The following OPN5 variants were observed in gnomAD, a reference collection of about 807,000 sequenced individuals.
OPN5 encodes opsin-5.
OPN5 carries 18 observed loss-of-function variants against 41.7 expected under a neutral mutation model. The observed-to-expected ratio is 0.43, with a 90% CI of 0.30 to 0.64. The LOEUF is 0.64. OPN5 is among the 30% of genes least tolerant of loss of function. The pLI is 0.13. For missense variants in OPN5, 318 were observed against 434.5 expected, an observed-to-expected ratio of 0.73 and a Z score of 2.38; for synonymous variants, 178 against 164.3, an observed-to-expected ratio of 1.08 and a Z score of -0.64.
At chr6:47,820,761 A>G (rs1762598181) in intron 6 of OPN5, among the ~76,000 whole-genome samples, 1 of 152,148 alleles carries the variant, frequency 6.6e-6, no homozygotes, top group Non-Finnish European at 1.5e-5. Flanking sequence ...GTGGAAAAAC[A>G]AATAAGAAAG....
At chr6:47,792,001 C>T (rs550021218) in intron 3 of OPN5, 29 bp downstream of exon 3, 10 of 1,555,998 alleles carry the variant, frequency 6.4e-6, no homozygotes, top group East Asian at 2.2e-5. Flanking sequence ...CATTCCCTGA[C>T]AGTTAAAGCT....
intron 4 of OPN5, among the ~76,000 whole-genome samples, chr6:47,799,716 C>T (rs6458594): frequency 0.062 from 9,475 of 152,142 alleles, 421 homozygotes; most frequent in African/African-American, 0.12. Flanking sequence ...GTTCTTCCAC[C>T]CTGACCCCGG....
intron 5 of OPN5, 125 bp from the exon 6 acceptor site, chr6:47,811,549 C>T: frequency 2.2e-6 from 1 of 455,458 alleles, no homozygotes; most frequent in Non-Finnish European, 3.9e-6. Flanking sequence ...GTTGCTAATT[C>T]AAGATTTGTG....
intron 3 of OPN5, among the ~76,000 whole-genome samples, chr6:47,793,979 T>C (rs1773464338): frequency 6.6e-6 from 1 of 151,166 alleles, no homozygotes; most frequent in Non-Finnish European, 1.5e-5. Flanking sequence ...AAATGCCATG[T>C]ATTTGAAAAA....
chr6:47,816,175 T>C (rs1055848254), intron 6 of OPN5, among the ~76,000 whole-genome samples: 2 of 152,192 alleles, frequency 1.3e-5, no homozygotes, highest in African/African-American at 2.4e-5. Flanking sequence ...CCATATACAC[T>C]GTCCTCAATG....
chr6:47,808,448 G>T (rs556735812), intron 5 of OPN5, 53 bp downstream of exon 5: 8 of 1,601,980 alleles, frequency 5.0e-6, no homozygotes, highest in Non-Finnish European at 6.8e-6. Context: ...TCAAAATCCG[G>T]CAGGGTTCAA....
At chr6:47,792,893 A>G (rs1013398500) in intron 3 of OPN5, among the ~76,000 whole-genome samples, 7 of 145,316 alleles carry the variant, frequency 4.8e-5, no homozygotes, top group African/African-American at 1.8e-4. Flanking sequence ...GTATTGTTAT[A>G]GTTTACATCC....
chr6:47,786,660 T>C, intron 2 of OPN5, 26 bp downstream of exon 2: 1 of 1,609,874 alleles, frequency 6.2e-7, no homozygotes, highest in Non-Finnish European at 8.5e-7. Flanking sequence ...TGTGTTTTCT[T>C]TGTGGGTTTA....
At chr6:47,790,110 A>C (rs1423387666) in intron 2 of OPN5, among the ~76,000 whole-genome samples, 1 of 152,198 alleles carries the variant, frequency 6.6e-6, no homozygotes, top group Non-Finnish European at 1.5e-5. Flanking sequence ...TATTTGAATA[A>C]GACATAACTT....
At chr6:47,787,761 CTG>C (rs1168023963) in intron 2 of OPN5, among the ~76,000 whole-genome samples, 2 of 152,022 alleles carry the variant, frequency 1.3e-5, no homozygotes, top group Admixed American at 1.3e-4. Flanking sequence ...TCCTTGAAGT[CTG>C]GGTATTGGGT....
At chr6:47,787,895 TA>T (rs928931767) in intron 2 of OPN5, among the ~76,000 whole-genome samples, 6 of 151,322 alleles carry the variant, frequency 4.0e-5, no homozygotes, top group Admixed American at 2.6e-4. Context: ...AGACCTTAAT[TA>T]AAAAAAAAGA....
At chr6:47,783,374 C>T (rs1353546019) in intron 1 of OPN5, among the ~76,000 whole-genome samples, 5 of 152,080 alleles carry the variant, frequency 3.3e-5, no homozygotes, top group Non-Finnish European at 5.9e-5. Context: ...CTATCTTTCT[C>T]TTCCACCCTT....
chr6:47,798,064 TAAAC>T (rs1236348233), intron 4 of OPN5, among the ~76,000 whole-genome samples: 2 of 152,072 alleles, frequency 1.3e-5, no homozygotes, highest in East Asian at 3.9e-4. Context: ...AATGAAATGT[TAAAC>T]AAAGTGTAGG....
At position 47,813,547 on chromosome 6, in the gene OPN5, T is replaced by C. The variant is rs191512960; in HGVS notation, c.1056+1816T>C. On this transcript the variant is annotated intron_variant, in intron 6 of 6. Transcript: ENST00000371211. ...ACTCCAAAGGCTTTGTTGTTTATGC[T>C]GTTATATGGATTTTACCATGACGGT... Among the ~76,000 whole-genome samples, 523 of 152,226 alleles carry C rather than the reference T, an allele frequency of 3.4e-3. 1 individual carries two copies. Among genetic ancestry groups the C allele is most frequent in the Non-Finnish European group, 6.2e-3 (423 of 67,994 alleles).
chr6:47,783,215 G>T (rs1773124520), intron 1 of OPN5, among the ~76,000 whole-genome samples: 1 of 151,972 alleles, frequency 6.6e-6, no homozygotes. Flanking sequence ...TTAAATTTAA[G>T]AAAAGAAACC....
At chr6:47,792,049 A>C in intron 3 of OPN5, 77 bp downstream of exon 3, 2 of 995,316 alleles carry the variant, frequency 2.0e-6, no homozygotes, top group Non-Finnish European at 3.0e-6. Flanking sequence ...TATTTTATGC[A>C]GGTAATAAAC....
intron 4 of OPN5, among the ~76,000 whole-genome samples, chr6:47,807,752 T>C (rs892337908): frequency 6.6e-6 from 1 of 151,878 alleles, no homozygotes; most frequent in African/African-American, 2.4e-5. Context: ...TTTCCTGAGG[T>C]GAATATGGAT....
In OPN5 at chr6:47,817,506, G is replaced by A. The variant is rs1054853651; in HGVS notation, c.1056+5775G>A. Reference sequence around the variant, plus strand: ...GTATGATGTTGTTGCATATAGGGTGGTTTAAATCCTTGTTACCCAAAATGT... The same window carrying A: ...GTATGATGTTGTTGCATATAGGGTGATTTAAATCCTTGTTACCCAAAATGT... On this transcript the variant is annotated intron_variant, in intron 6 of 6. Transcript: ENST00000371211. Among the ~76,000 whole-genome samples the A allele has an allele frequency of 2.6e-5, 4 of 152,180 alleles. 1 individual carries two copies. The highest frequency in any genetic ancestry group is 2.1e-4 in the South Asian group (1 of 4,816).
rs777593613 is a variant in OPN5, at chr6:47,795,350, C to T, written c.543C>T (p.Thr181=). 3 of 1,614,170 alleles carry T rather than the reference C, an allele frequency of 1.9e-6. No individual in the cohort carries two copies. The Admixed American group carries it at 5.0e-5, about 27-fold the overall frequency. ...ACTACGTACCTGAGCCCTTCGGAAC[C>T]TCGTGCACCCTGGACTGGTGGCTGG... is the stretch of plus-strand genomic sequence containing the variant. Residue 181 remains threonine (T), a synonymous_variant, in exon 4 of 7, where the codon ACC becomes ACT. Transcript: ENST00000371211.
Sources: allele counts gnomAD v4.1 joint callset (sites outside exome capture counted in the v4.1 genomes callset), GRCh38; gene constraint gnomAD v4.1.1; transcripts MANE v1.5; gene names NCBI Gene and HGNC (gene_info 2026-07-23, HGNC 2026-07-21).